BMERB1: variants seen among roughly 807,000 people sequenced by gnomAD.
BMERB1 encodes bMERB domain-containing protein 1.
In BMERB1, 12 loss-of-function variants were observed where a neutral mutation model predicts 23.6. The ratio of observed to expected loss-of-function variants is 0.51; its 90% CI spans 0.33 to 0.82. The LOEUF (loss-of-function observed/expected upper bound fraction) is 0.82, where lower values mean the gene tolerates loss of function less well. Ranked by LOEUF, BMERB1 falls within the 40% of genes least tolerant of loss-of-function variation. The pLI is 0.03. For missense variants in BMERB1, 247 were observed against 255.4 expected (o/e 0.97, Z 0.22); for synonymous variants, 122 against 96.6 (o/e 1.26, Z -1.54).
At chr16:15,448,092 G>C (rs922409846) in intron 1 of BMERB1, 2 of 352,020 alleles carry the variant, frequency 5.7e-6, no homozygotes, top group Non-Finnish European at 1.1e-5. Context: ...GTTTCACCCT[G>C]TTGGCCAGGC....
chr16:15,497,121 C>T (rs972494942), intron 1 of BMERB1, among the ~76,000 whole-genome samples: 2 of 152,210 alleles, frequency 1.3e-5, no homozygotes, highest in African/African-American at 4.8e-5. Context: ...TCGTCTAGGT[C>T]CTGCTGCTCA....
intron 1 of BMERB1, among the ~76,000 whole-genome samples, chr16:15,436,739 C>T (rs1474293827): frequency 1.3e-5 from 2 of 152,018 alleles, no homozygotes; most frequent in Non-Finnish European, 2.9e-5. Flanking sequence ...TCTGTATCTC[C>T]ATGAGGGTCT....
chr16:15,530,173 T>A (rs2051953350), intron 2 of BMERB1, among the ~76,000 whole-genome samples: 1 of 152,188 alleles, frequency 6.6e-6, no homozygotes, highest in Admixed American at 6.5e-5. Flanking sequence ...CCTCTGTTTT[T>A]CTCTTAAATG....
chr16:15,501,838 G>A (rs1471764001), intron 1 of BMERB1, among the ~76,000 whole-genome samples: 1 of 152,106 alleles, frequency 6.6e-6, no homozygotes, highest in African/African-American at 2.4e-5. Context: ...GGCTGGTCTT[G>A]AGCTCCTGAC....
chr16:15,434,901 C>T (rs2050874478), intron 1 of BMERB1, 142 bp downstream of exon 1: 4 of 665,868 alleles, frequency 6.0e-6, no homozygotes, highest in South Asian at 1.9e-5. Flanking sequence ...CAGGGGGATA[C>T]GCAGCTCTGC....
rs1173658729 is a variant in BMERB1, at chr16:15,456,068, GTAA to G, written c.106+21312_106+21314del. 5.9e-5 allele frequency among the ~76,000 whole-genome samples: 9 copies of G among 152,240 alleles called. No homozygotes were observed. The East Asian group carries it at 1.5e-3, about 26-fold the overall frequency. Reference sequence around the variant, plus strand: ...GTACGCTTTTAAAAATCTTTTTAAAGTAATAGATGCTCATTATAAAAATTCAAA... The same window carrying G: ...GTACGCTTTTAAAAATCTTTTTAAAGTAGATGCTCATTATAAAAATTCAAA... On this transcript the variant is annotated intron_variant, in intron 1 of 5. Transcript: ENST00000300006.
Position 15,434,773 on chromosome 16 carries a change from CG to C in BMERB1, c.106+20del. On this transcript the variant is annotated intron_variant, in intron 1 of 5. Coordinates refer to ENST00000300006, the MANE Select transcript of BMERB1 (RefSeq NM_033201.3). ...GACTGGGGAGAAGTGAGTACTGGGG[CG>C]GGGGGCGGGGGGCCGGGGACAGCTG... is the stretch of plus-strand genomic sequence containing the variant. 3.2e-6 allele frequency: 2 copies of C among 622,960 alleles called. No individual in the cohort carries two copies. Among genetic ancestry groups the C allele is most frequent in the Non-Finnish European group, 2.0e-6 (1 of 497,266 alleles). 38.6% of individuals were successfully genotyped at this position (622,960 alleles called of 1,614,324 possible). A position where few individuals can be genotyped will look rare whatever the true frequency, so the allele number is the denominator to read the frequency against.
chr16:15,582,425 C>A (rs1297795973), intron 4 of BMERB1, among the ~76,000 whole-genome samples: 2 of 151,868 alleles, frequency 1.3e-5, no homozygotes, highest in African/African-American at 4.8e-5. Flanking sequence ...ACAAAAAATA[C>A]AGAAAACTAC....
At chr16:15,567,916 C>T (rs545352242) in intron 2 of BMERB1, 67 bp from the exon 3 acceptor site, 20 of 1,410,710 alleles carry the variant, frequency 1.4e-5, no homozygotes, top group South Asian at 6.2e-5. Flanking sequence ...TTGTGTTAAC[C>T]GGGTGATGCT....
chr16:15,546,823 A>C (rs1187745748), intron 2 of BMERB1, among the ~76,000 whole-genome samples: 2 of 152,112 alleles, frequency 1.3e-5, no homozygotes, highest in Non-Finnish European at 2.9e-5. Flanking sequence ...CACACTCCCA[A>C]TAAACTTGTT....
At chr16:15,470,240 A>G (rs1432813037) in intron 1 of BMERB1, among the ~76,000 whole-genome samples, 1 of 152,098 alleles carries the variant, frequency 6.6e-6, no homozygotes, top group Non-Finnish European at 1.5e-5. Context: ...CAATTGTATG[A>G]TTTTTTATTT....
intron 2 of BMERB1, among the ~76,000 whole-genome samples, chr16:15,552,545 C>T (rs1377111435): frequency 6.6e-6 from 1 of 152,194 alleles, no homozygotes; most frequent in Non-Finnish European, 1.5e-5. Context: ...CCAGAAACTG[C>T]CAGGTAGCAT....
At chr16:15,480,978 G>A (rs115140258) in intron 1 of BMERB1, among the ~76,000 whole-genome samples, 2,186 of 152,246 alleles carry the variant, frequency 0.014, 56 homozygotes, top group African/African-American at 0.051. Context: ...ATCTGTATAA[G>A]AGAATTTCAT....
intron 2 of BMERB1, among the ~76,000 whole-genome samples, chr16:15,518,805 G>C (rs2051810684): frequency 6.7e-6 from 1 of 150,062 alleles, no homozygotes; most frequent in South Asian, 2.2e-4. Flanking sequence ...GGGAGTGGGA[G>C]AGAAGGGAGG....
intron 2 of BMERB1, among the ~76,000 whole-genome samples, chr16:15,541,904 A>AT (rs1567491823): frequency 5.2e-5 from 5 of 96,044 alleles, no homozygotes; most frequent in Non-Finnish European, 1.0e-4. Flanking sequence ...ACCCGGCCTA[A>AT]ATTTTTTTTT....
At chr16:15,568,262 C>G (rs954599387) in intron 3 of BMERB1, among the ~76,000 whole-genome samples, 3 of 152,204 alleles carry the variant, frequency 2.0e-5, no homozygotes, top group Non-Finnish European at 2.9e-5. Flanking sequence ...TTGGACAAGT[C>G]ACTGTACTTC....
At position 15,460,637 on chromosome 16, in the gene BMERB1, G is replaced by C. The variant is rs571853249; in HGVS notation, c.106+25878G>C. 5.3e-5 allele frequency among the ~76,000 whole-genome samples: 8 copies of C among 152,262 alleles called. No individual in the cohort carries two copies. The East Asian group carries it at 9.6e-4, about 18-fold the overall frequency. The stretch of plus-strand genomic sequence containing the variant: ...GCAGAGGTTGTTATTTGCAGGCTAC[G>C]TTGACACTAGGTAGTGAACTTCACA... On this transcript the variant is annotated intron_variant, in intron 1 of 5. Coordinates refer to ENST00000300006, the MANE Select transcript of BMERB1 (RefSeq NM_033201.3).
At chr16:15,455,453 A>T (rs996210391) in intron 1 of BMERB1, among the ~76,000 whole-genome samples, 63 of 151,832 alleles carry the variant, frequency 4.1e-4, no homozygotes, top group African/African-American at 1.5e-3. Flanking sequence ...AAGTCTTTTT[A>T]AAATTTTATT....
At chr16:15,453,190 G>GA (rs1379315660) in intron 1 of BMERB1, among the ~76,000 whole-genome samples, 1 of 151,886 alleles carries the variant, frequency 6.6e-6, no homozygotes, top group African/African-American at 2.4e-5. Flanking sequence ...CAACAACAAA[G>GA]AAAAAACCAA....
Sources: gnomAD v4.1 joint callset for allele counts (sites outside exome capture counted in the v4.1 genomes callset) on GRCh38, gnomAD v4.1.1 for gene constraint, MANE v1.5 for transcripts, NCBI Gene and HGNC (gene_info 2026-07-23, HGNC 2026-07-21) for gene names.